ADCY2: variants seen among roughly 807,000 people sequenced by gnomAD.
The protein encoded by ADCY2 is adenylate cyclase type 2.
ADCY2 carries 31 observed loss-of-function variants against 125.2 expected under a neutral mutation model. That is an observed-to-expected ratio of 0.25 (90% CI 0.19 to 0.33). The LOEUF (loss-of-function observed/expected upper bound fraction) is 0.33, where lower values mean the gene tolerates loss of function less well. Among genes scored for constraint, ADCY2 ranks in the 10% least tolerant of loss-of-function variants. The pLI, the probability that ADCY2 is intolerant of heterozygous loss-of-function variation, is 1.00. For synonymous variants in ADCY2, 512 were observed against 548.4 expected (o/e 0.93, Z 0.93); for missense variants, 904 against 1,418.2 (o/e 0.64, Z 5.82).
At chr5:7,600,679 A>G (rs867186079) in intron 3 of ADCY2, among the ~76,000 whole-genome samples, 2 of 152,178 alleles carry the variant, frequency 1.3e-5, no homozygotes, top group South Asian at 2.1e-4. Context: ...AAGAATGGAT[A>G]AGATAATGGC....
chr5:7,753,479 T>C (rs778377539), intron 15 of ADCY2, among the ~76,000 whole-genome samples: 4 of 152,224 alleles, frequency 2.6e-5, no homozygotes, highest in East Asian at 1.9e-4. Flanking sequence ...TTCAGTTGAA[T>C]AGTATCTTCC....
chr5:7,563,347 TACCCTGCAA>T (rs1735784541), intron 3 of ADCY2, among the ~76,000 whole-genome samples: 1 of 152,158 alleles, frequency 6.6e-6, no homozygotes, highest in South Asian at 2.1e-4. Context: ...GCGATGAGCA[TACCCTGCAA>T]AAGAAAGCTG....
At chr5:7,535,232 G>A (rs1018832628) in intron 3 of ADCY2, among the ~76,000 whole-genome samples, 8 of 152,070 alleles carry the variant, frequency 5.3e-5, no homozygotes, top group East Asian at 3.9e-4. Context: ...TAATAGAGAC[G>A]GGGTTTCACC....
At chr5:7,527,956 CTGTT>C (rs1271637033) in intron 3 of ADCY2, among the ~76,000 whole-genome samples, 6 of 152,122 alleles carry the variant, frequency 3.9e-5, no homozygotes, top group Non-Finnish European at 7.4e-5. Flanking sequence ...TCTGTTCTGA[CTGTT>C]TGTCTTCAGG....
chr5:7,773,971 T>C (rs914578073), intron 18 of ADCY2, among the ~76,000 whole-genome samples: 4 of 152,244 alleles, frequency 2.6e-5, no homozygotes, highest in Admixed American at 1.3e-4. Context: ...ACCCACCAGA[T>C]GTCAAAGTAT....
intron 4 of ADCY2, among the ~76,000 whole-genome samples, chr5:7,641,946 T>C (rs1036850091): frequency 6.6e-6 from 1 of 152,230 alleles, no homozygotes; most frequent in East Asian, 1.9e-4. Context: ...TTAGATAGAT[T>C]CCATGTCTTT....
intron 4 of ADCY2, chr5:7,658,348 C>T (rs576741557): frequency 6.6e-5 from 10 of 151,836 alleles, no homozygotes; most frequent in African/African-American, 2.4e-4. Flanking sequence ...GTCATGTTCA[C>T]TTGCTTTTTT....
chr5:7,473,054 C>T (rs910058407), intron 2 of ADCY2, among the ~76,000 whole-genome samples: 9 of 151,716 alleles, frequency 5.9e-5, no homozygotes, highest in African/African-American at 1.2e-4. Flanking sequence ...TCCTGGAACC[C>T]TGGGATGGGT....
At chr5:7,618,587 C>A (rs1477886769) in intron 3 of ADCY2, among the ~76,000 whole-genome samples, 2 of 152,146 alleles carry the variant, frequency 1.3e-5, no homozygotes, top group East Asian at 3.9e-4. Context: ...TACCTGTCAG[C>A]TTTTAAATTT....
At chr5:7,507,745 A>G (rs1295199685) in intron 2 of ADCY2, among the ~76,000 whole-genome samples, 2 of 152,120 alleles carry the variant, frequency 1.3e-5, no homozygotes, top group Admixed American at 1.3e-4. Context: ...GGTTCTGTGT[A>G]TTTTGAACAA....
At chr5:7,768,282 T>C (rs1296446093) in intron 17 of ADCY2, among the ~76,000 whole-genome samples, 1 of 152,232 alleles carries the variant, frequency 6.6e-6, no homozygotes, top group Admixed American at 6.5e-5. Context: ...GCTAGAGTCA[T>C]TGTGAGAGTT....
At chr5:7,507,786 C>A (rs1743895203) in intron 2 of ADCY2, among the ~76,000 whole-genome samples, 1 of 152,108 alleles carries the variant, frequency 6.6e-6, no homozygotes. Context: ...AGTGAGCTTA[C>A]CTCATGGTGT....
At chr5:7,492,536 C>G (rs1468693284) in intron 2 of ADCY2, among the ~76,000 whole-genome samples, 1 of 152,066 alleles carries the variant, frequency 6.6e-6, no homozygotes, top group Non-Finnish European at 1.5e-5. Context: ...AGAAAGGGAG[C>G]CAGAGGCAAT....
intron 3 of ADCY2, among the ~76,000 whole-genome samples, chr5:7,607,270 C>A (rs1379364448): frequency 6.6e-6 from 1 of 152,182 alleles, no homozygotes; most frequent in Non-Finnish European, 1.5e-5. Flanking sequence ...TCATTAGCAT[C>A]AGCCATTATT....
At chr5:7,447,060 G>A (rs773313940) in intron 2 of ADCY2, among the ~76,000 whole-genome samples, 6 of 151,948 alleles carry the variant, frequency 3.9e-5, no homozygotes, top group Non-Finnish European at 7.4e-5. Context: ...CTTCACTTTC[G>A]GAGTGCGTCA....
intron 2 of ADCY2, among the ~76,000 whole-genome samples, chr5:7,470,887 C>T (rs566690764): frequency 9.9e-5 from 15 of 151,560 alleles, no homozygotes; most frequent in South Asian, 2.1e-4. Flanking sequence ...TTTCCAACTA[C>T]GATTTGAGTT....
chr5:7,791,822 A>T (rs326131), intron 20 of ADCY2, among the ~76,000 whole-genome samples: 29,963 of 151,924 alleles, frequency 0.2, 3,652 homozygotes, highest in East Asian at 0.62. Flanking sequence ...CCTCCTGGGG[A>T]TAGGATCCTG....
chr5:7,481,989 A>G (rs1183548562), intron 2 of ADCY2, among the ~76,000 whole-genome samples: 1 of 152,146 alleles, frequency 6.6e-6, no homozygotes, highest in Non-Finnish European at 1.5e-5. Flanking sequence ...TCCAATTACT[A>G]TAGGAAGTTA....
At chr5:7,447,660 G>C (rs1044094177) in intron 2 of ADCY2, among the ~76,000 whole-genome samples, 1 of 152,212 alleles carries the variant, frequency 6.6e-6, no homozygotes, top group African/African-American at 2.4e-5. Context: ...ACAGTGAAGA[G>C]GTCGAGAGGC....
Sources: gnomAD v4.1 joint callset for allele counts (sites outside exome capture counted in the v4.1 genomes callset) on GRCh38, gnomAD v4.1.1 for gene constraint, MANE v1.5 for transcripts, NCBI Gene and HGNC (gene_info 2026-07-23, HGNC 2026-07-21) for gene names.